The following GABRB1 variants were observed in gnomAD, a reference collection of about 807,000 sequenced individuals.
GABRB1 encodes the protein gamma-aminobutyric acid receptor subunit beta-1.
In GABRB1, 17 loss-of-function variants were observed where a neutral mutation model predicts 51.6. The ratio of observed to expected loss-of-function variants is 0.33; its 90% CI spans 0.23 to 0.49. GABRB1 has a LOEUF of 0.49. Among genes scored for constraint, GABRB1 ranks in the 20% least tolerant of loss-of-function variants. The pLI is 0.99. For synonymous variants in GABRB1, 247 were observed against 218.9 expected (o/e 1.13, Z -1.14); for missense variants, 410 against 600.6 (o/e 0.68, Z 3.32).
chr4:47,239,998 T>C (rs1458953249), intron 4 of GABRB1, among the ~76,000 whole-genome samples: 1 of 152,220 alleles, frequency 6.6e-6, no homozygotes, highest in Non-Finnish European at 1.5e-5. Context: ...ACATGGTGGA[T>C]TAGCAGCAGC....
intron 5 of GABRB1, among the ~76,000 whole-genome samples, chr4:47,377,661 G>C (rs1413834790): frequency 6.6e-6 from 1 of 152,130 alleles, no homozygotes; most frequent in Non-Finnish European, 1.5e-5. Context: ...CTGATTGGTA[G>C]AGCCTAGTGG....
intron 5 of GABRB1, among the ~76,000 whole-genome samples, chr4:47,360,358 G>GT (rs543782735): frequency 5.1e-4 from 76 of 149,010 alleles, no homozygotes; most frequent in African/African-American, 1.1e-3. Context: ...GCAACTCAGA[G>GT]TTTTTTTTTT....
intron 8 of GABRB1, among the ~76,000 whole-genome samples, chr4:47,421,908 C>T (rs184855881): frequency 6.6e-6 from 1 of 152,222 alleles, no homozygotes; most frequent in African/African-American, 2.4e-5. Flanking sequence ...AAGTACCTAA[C>T]AAAATCATGT....
At chr4:47,289,525 C>T in intron 4 of GABRB1, among the ~76,000 whole-genome samples, 1 of 152,186 alleles carries the variant, frequency 6.6e-6, no homozygotes, top group Non-Finnish European at 1.5e-5. Context: ...TCTAACTCCA[C>T]CAAACAGAAT....
At chr4:47,059,100 A>G (rs1040553379) in intron 3 of GABRB1, among the ~76,000 whole-genome samples, 27 of 152,224 alleles carry the variant, frequency 1.8e-4, no homozygotes, top group African/African-American at 6.0e-4. Flanking sequence ...TTTAATCTTC[A>G]TGTGAGGCAA....
intron 4 of GABRB1, among the ~76,000 whole-genome samples, chr4:47,281,980 C>T (rs574307701): frequency 2.6e-5 from 4 of 151,722 alleles, no homozygotes; most frequent in Admixed American, 1.3e-4. Flanking sequence ...ATAGTGATCA[C>T]GGTTAGTATG....
At chr4:47,123,456 AAT>A (rs1715891621) in intron 3 of GABRB1, among the ~76,000 whole-genome samples, 1 of 116,400 alleles carries the variant, frequency 8.6e-6, no homozygotes, top group Non-Finnish European at 1.6e-5. Context: ...TATATATTAT[AAT>A]ATATTATATA....
In GABRB1 at chr4:47,338,409, G is replaced by A. The variant is rs1018359556; in HGVS notation, c.544+18200G>A. On this transcript the variant is annotated intron_variant, in intron 5 of 8. Transcript: ENST00000295454. ...AGTAGCATTTTTACAGATGCACCAC[G>A]CCATTCTCAAGCGTTTTAGACTATT... Among the ~76,000 whole-genome samples, 4 of 152,132 alleles carry A rather than the reference G, an allele frequency of 2.6e-5. No homozygotes were observed. In the South Asian group the frequency reaches 8.3e-4, roughly 31 times the overall value.
chr4:47,092,952 A>T (rs1367288212), intron 3 of GABRB1, among the ~76,000 whole-genome samples: 1 of 152,218 alleles, frequency 6.6e-6, no homozygotes, highest in Non-Finnish European at 1.5e-5. Context: ...ATATAACTAT[A>T]GTCATTGCTG....
intron 3 of GABRB1, among the ~76,000 whole-genome samples, chr4:47,078,312 G>A (rs1309622166): frequency 6.6e-6 from 1 of 151,916 alleles, no homozygotes; most frequent in African/African-American, 2.4e-5. Flanking sequence ...ATCAGTCATT[G>A]GAAAAATTTA....
At chr4:47,191,915 C>T (rs1369409874) in intron 4 of GABRB1, among the ~76,000 whole-genome samples, 2 of 151,998 alleles carry the variant, frequency 1.3e-5, no homozygotes, top group Non-Finnish European at 2.9e-5. Flanking sequence ...AATTATCTCC[C>T]GCCCTCTGCA....
At chr4:47,384,707 A>T (rs1487790927) in intron 5 of GABRB1, among the ~76,000 whole-genome samples, 1 of 152,202 alleles carries the variant, frequency 6.6e-6, no homozygotes, top group African/African-American at 2.4e-5. Context: ...TTAGCTAGAT[A>T]AGTGCCTCTG....
rs1025575636 is a variant in GABRB1 at position 47,339,484 on chromosome 4, C to G, written c.544+19275C>G. 2.5e-4 allele frequency among the ~76,000 whole-genome samples: 38 copies of G among 151,836 alleles called. 1 individual carries two copies. The highest frequency in any genetic ancestry group is 7.7e-4 in the African/African-American group (32 of 41,316). On this transcript the variant is annotated intron_variant, in intron 5 of 8. Coordinates refer to ENST00000295454, the MANE Select transcript of GABRB1 (RefSeq NM_000812.4). The stretch of plus-strand genomic sequence containing the variant: ...AATCTCCACTAATTATTGCATTCAA[C>G]CAATTATGAACAAGTACCTAGAAAG...
intron 4 of GABRB1, among the ~76,000 whole-genome samples, chr4:47,171,413 T>A (rs1422904075): frequency 3.9e-5 from 6 of 152,166 alleles, no homozygotes; most frequent in Non-Finnish European, 8.8e-5. Context: ...CTTGAGAAGA[T>A]GTATCAGATT....
At chr4:47,158,677 G>T (rs960780494) in intron 3 of GABRB1, among the ~76,000 whole-genome samples, 1 of 151,908 alleles carries the variant, frequency 6.6e-6, no homozygotes, top group Non-Finnish European at 1.5e-5. Context: ...TTCCTATACT[G>T]GCTGAATTAT....
At chr4:47,032,386 C>G in intron 2 of GABRB1, 31 bp from the exon 3 acceptor site, 1 of 1,555,154 alleles carries the variant, frequency 6.4e-7, no homozygotes, top group South Asian at 1.2e-5. Context: ...CTGAGAGAAT[C>G]TGTTCCTAAT....
In GABRB1 at chr4:47,211,617, G is replaced by T. The variant is rs181056797; in HGVS notation, c.461+50148G>T. Among the ~76,000 whole-genome samples, 8 of 152,252 alleles carry T rather than the reference G, an allele frequency of 5.3e-5. No individual in the cohort carries two copies. In the East Asian group the frequency reaches 1.5e-3, roughly 29 times the overall value. On this transcript the variant is annotated intron_variant, in intron 4 of 8. Coordinates refer to ENST00000295454, the MANE Select transcript of GABRB1 (RefSeq NM_000812.4). ...TAGGCTTGTATATTAGTGTCCTATT[G>T]CCTCTGTAACAAATTACCCCAAACT...
chr4:47,064,745 C>CT (rs1470785237), intron 3 of GABRB1, among the ~76,000 whole-genome samples: 1 of 151,602 alleles, frequency 6.6e-6, no homozygotes, highest in East Asian at 1.9e-4. Context: ...GCTTTAACTG[C>CT]TAGGATGACA....
chr4:47,384,020 G>C (rs1431272894), intron 5 of GABRB1, among the ~76,000 whole-genome samples: 2 of 152,078 alleles, frequency 1.3e-5, no homozygotes, highest in Admixed American at 6.6e-5. Context: ...GGAAGATCTT[G>C]AGTGCCCTCT....
Sources: gnomAD v4.1 joint callset for allele counts (sites outside exome capture counted in the v4.1 genomes callset) on GRCh38, gnomAD v4.1.1 for gene constraint, MANE v1.5 for transcripts, NCBI Gene and HGNC (gene_info 2026-07-23, HGNC 2026-07-21) for gene names.